Variants in ATP6V0A4 observed in about 807,000 individuals in gnomAD.
ATP6V0A4 encodes V-type proton ATPase 116 kDa subunit a 4.
Under a neutral mutation model 107.3 loss-of-function variants are expected in ATP6V0A4, and 86 were observed. The observed-to-expected ratio is 0.80, with a 90% CI of 0.67 to 0.96. The LOEUF is 0.96. Among genes scored for constraint, ATP6V0A4 ranks in the 40% least tolerant of loss-of-function variants. ATP6V0A4 has a pLI of 0.00. For synonymous variants in ATP6V0A4, 353 were observed against 381.4 expected (o/e 0.93, Z 0.87); for missense variants, 908 against 1,045.6 (o/e 0.87, Z 1.81).
intron 1 of ATP6V0A4, among the ~76,000 whole-genome samples, chr7:138,794,169 T>TA (rs1808548884): frequency 6.6e-6 from 1 of 152,036 alleles, no homozygotes; most frequent in Admixed American, 6.6e-5. Context: ...CATTATTTTG[T>TA]AAAAACAGAT....
intron 14 of ATP6V0A4, among the ~76,000 whole-genome samples, chr7:138,743,274 A>G (rs900741306): frequency 1.3e-5 from 2 of 151,970 alleles, no homozygotes; most frequent in African/African-American, 2.4e-5. Flanking sequence ...CCTGGCCAAC[A>G]TGGTGAAACC....
chr7:138,733,056 T>G lies in ATP6V0A4; in HGVS notation c.1729A>C (p.Ile577Leu). 6.2e-7 allele frequency: 1 copy of G among 1,613,986 alleles called. No homozygotes were observed. The highest frequency in any genetic ancestry group is 8.5e-7 in the Non-Finnish European group (1 of 1,179,978). The change falls in exon 17 of 22, where the codon ATC becomes CTC. Residue 577 changes from isoleucine to leucine, a missense_variant. Transcript: ENST00000310018. ...CACAGGATAAAAATCATCTCAGGGATAAATTGCAGAATGATGTTGAGAGTT... is the reference window on the plus strand; with the variant it reads ...CACAGGATAAAAATCATCTCAGGGAGAAATTGCAGAATGATGTTGAGAGTT... Reference protein sequence around the residue: ...RRTLNIILQFIPEMIFILCLF... With the variant: ...RRTLNIILQFLPEMIFILCLF...
intron 2 of ATP6V0A4, among the ~76,000 whole-genome samples, chr7:138,777,803 C>T (rs930313744): frequency 6.6e-6 from 1 of 152,152 alleles, no homozygotes; most frequent in African/African-American, 2.4e-5. Flanking sequence ...AAGATAGACC[C>T]TCTGAGAATC....
At position 138,756,457 on chromosome 7, in the gene ATP6V0A4, C is replaced by T. The variant is rs767130776; in HGVS notation, c.722+1G>A. 2 of 1,611,470 alleles carry T rather than the reference C, an allele frequency of 1.2e-6. No homozygotes were observed. Among genetic ancestry groups the T allele is most frequent in the Non-Finnish European group, 1.7e-6 (2 of 1,178,714 alleles). On this transcript the variant is annotated splice_donor_variant, in intron 9 of 21. Transcript: ENST00000310018. LOFTEE classifies it high-confidence loss of function. ...AGAAAGAGCCATTCACTCCCTCTTA[C>T]CCATCACAGATCTTCTTGATTTTCT...
At chr7:138,795,837 C>T (rs1218018898) in intron 1 of ATP6V0A4, among the ~76,000 whole-genome samples, 2 of 151,798 alleles carry the variant, frequency 1.3e-5, no homozygotes, top group Admixed American at 6.6e-5. Context: ...GTTTGTTTTG[C>T]GGAGGCAGGG....
chr7:138,763,040 A>G lies in ATP6V0A4; in HGVS notation c.292-15T>C. On this transcript the variant is annotated splice_polypyrimidine_tract_variant and intron_variant, in intron 5 of 21. Transcript: ENST00000310018. ...TCTAGAACAGTCTATGCAGGAAGGA[A>G]AAAGAAGGTAAGCCAACAGAAAGTG... The G allele has an allele frequency of 6.2e-7, 1 of 1,613,960 alleles. No homozygotes were observed. The highest frequency in any genetic ancestry group is 8.5e-7 in the Non-Finnish European group (1 of 1,179,966).
intron 1 of ATP6V0A4, among the ~76,000 whole-genome samples, chr7:138,787,606 T>C (rs1415055179): frequency 2.0e-5 from 3 of 152,038 alleles, no homozygotes; most frequent in Non-Finnish European, 2.9e-5. Flanking sequence ...ACACTGTGAT[T>C]GCACCTGCGA....
chr7:138,725,142 C>T (rs566519508), intron 18 of ATP6V0A4, among the ~76,000 whole-genome samples: 75 of 152,226 alleles, frequency 4.9e-4, no homozygotes, highest in Non-Finnish European at 9.1e-4. Context: ...CATTGTGGTG[C>T]AGGCCTGCAG....
chr7:138,756,396 C>CACATCTCTTTATCT, intron 9 of ATP6V0A4, 62 bp downstream of exon 9: 1 of 1,610,984 alleles, frequency 6.2e-7, no homozygotes, highest in Non-Finnish European at 8.5e-7. Context: ...TTTGGCATTG[C>CACATCTCTTTATCT]ACATCTCTTT....
At chr7:138,727,977 A>T (rs2117226704) in intron 18 of ATP6V0A4, among the ~76,000 whole-genome samples, 2 of 152,268 alleles carry the variant, frequency 1.3e-5, no homozygotes, top group East Asian at 3.9e-4. Flanking sequence ...ACAAACAAAA[A>T]CTGACCTAAT....
At chr7:138,709,897 A>T in intron 20 of ATP6V0A4, 102 bp from the exon 21 acceptor site, 1 of 1,303,736 alleles carries the variant, frequency 7.7e-7, no homozygotes, top group Non-Finnish European at 1.0e-6. Context: ...TATTTTAAAT[A>T]GAGACAGGGT....
intron 1 of ATP6V0A4, among the ~76,000 whole-genome samples, chr7:138,787,187 T>C (rs906724307): frequency 2.0e-5 from 3 of 152,180 alleles, no homozygotes; most frequent in Non-Finnish European, 4.4e-5. Flanking sequence ...TTTCCAGTTG[T>C]TTCTCACAGG....
chr7:138,768,655 T>C (rs1807212120), intron 5 of ATP6V0A4, 125 bp downstream of exon 5: 2 of 1,196,242 alleles, frequency 1.7e-6, no homozygotes, highest in East Asian at 2.6e-5. Flanking sequence ...GAGACGACCA[T>C]GCAGGCCTGC....
chr7:138,722,981 C>T (rs1257596451), intron 18 of ATP6V0A4, among the ~76,000 whole-genome samples: 2 of 145,548 alleles, frequency 1.4e-5, no homozygotes, highest in African/African-American at 5.1e-5. Context: ...TTGCTTGAAT[C>T]TGGGAGGCAG....
At chr7:138,754,051 G>A (rs577500368) in intron 10 of ATP6V0A4, among the ~76,000 whole-genome samples, 2 of 152,216 alleles carry the variant, frequency 1.3e-5, no homozygotes, top group South Asian at 2.1e-4. Context: ...TCCTCATGAC[G>A]TTTTCATAAA....
At chr7:138,756,600 TAGAG>T (rs760205318) in intron 8 of ATP6V0A4, 60 bp from the exon 9 acceptor site, 47 of 1,572,094 alleles carry the variant, frequency 3.0e-5, no homozygotes, top group Non-Finnish European at 4.0e-5. Context: ...TAAAACATAA[TAGAG>T]AGAAATGTAA....
intron 12 of ATP6V0A4, among the ~76,000 whole-genome samples, chr7:138,748,686 G>A (rs945753407): frequency 1.1e-4 from 17 of 152,136 alleles, no homozygotes; most frequent in Admixed American, 3.9e-4. Flanking sequence ...GATTACAGGC[G>A]TGAGCCACCA....
intron 12 of ATP6V0A4, among the ~76,000 whole-genome samples, chr7:138,748,791 G>C (rs1806082724): frequency 6.6e-6 from 1 of 152,152 alleles, no homozygotes; most frequent in African/African-American, 2.4e-5. Flanking sequence ...GTGTACTGGT[G>C]TCTTTCCCAC....
At chr7:138,715,479 G>A (rs1339590172) in intron 20 of ATP6V0A4, among the ~76,000 whole-genome samples, 2 of 151,810 alleles carry the variant, frequency 1.3e-5, no homozygotes, top group African/African-American at 4.9e-5. Flanking sequence ...GGGATTACAG[G>A]TGTGAGCCAC....
Sources: gnomAD v4.1 joint callset for allele counts (sites outside exome capture counted in the v4.1 genomes callset) on GRCh38, gnomAD v4.1.1 for gene constraint, MANE v1.5 for transcripts, NCBI Gene and HGNC (gene_info 2026-07-23, HGNC 2026-07-21) for gene names.